Variants in ZAR1L observed in about 807,000 individuals in gnomAD.
ZAR1L encodes the protein zygote arrest 1 like.
ZAR1L carries 16 observed loss-of-function variants against 30.0 expected under a neutral mutation model. That is an observed-to-expected ratio of 0.53 (90% CI 0.36 to 0.81). ZAR1L has a LOEUF of 0.81. ZAR1L is among the 30% of genes least tolerant of loss of function. ZAR1L has a pLI of 0.00. For missense variants in ZAR1L, 392 were observed against 417.2 expected, an observed-to-expected ratio of 0.94 and a Z score of 0.53; for synonymous variants, 197 against 166.8, an observed-to-expected ratio of 1.18 and a Z score of -1.40.
At chr13:32,307,589 C>G (rs181537663) in intron 5 of ZAR1L, among the ~76,000 whole-genome samples, 1 of 134,434 alleles carries the variant, frequency 7.4e-6, no homozygotes, top group Admixed American at 7.8e-5. Context: ...TGGTAACCAT[C>G]AAAAGGACAT....
Position 32,312,018 on chromosome 13 carries a change from T to G in ZAR1L, c.-93A>C. ...CTCCTTCATCCGCCCCTTCTTTCTC[T>G]TCATCAGGTTGGTTCAGATTCATTC... is the stretch of plus-strand genomic sequence containing the variant. On this transcript the variant is annotated 5_prime_UTR_variant, in exon 3 of 6. Transcript: ENST00000533490. The G allele has an allele frequency of 5.9e-6, 8 of 1,366,420 alleles. No homozygotes were observed. The highest frequency in any genetic ancestry group is 7.8e-6 in the Non-Finnish European group (8 of 1,027,722). The allele number at this position is 1,366,420 out of a possible 1,614,324, so 84.6% of individuals were successfully genotyped here.
At chr13:32,307,947 C>T (rs1408446423) in intron 5 of ZAR1L, among the ~76,000 whole-genome samples, 1 of 152,096 alleles carries the variant, frequency 6.6e-6, no homozygotes, top group East Asian at 1.9e-4. Context: ...GGACTACAGG[C>T]ACCTGCCACC....
chr13:32,307,334 A>G (rs1260902862), intron 5 of ZAR1L, among the ~76,000 whole-genome samples: 2 of 151,828 alleles, frequency 1.3e-5, no homozygotes, highest in Non-Finnish European at 2.9e-5. Context: ...CCCTGTCTGT[A>G]CTAAAAATAC....
intron 1 of ZAR1L, among the ~76,000 whole-genome samples, chr13:32,315,101 C>T (rs768038550): frequency 2.0e-5 from 3 of 152,140 alleles, no homozygotes; most frequent in Admixed American, 2.0e-4. Context: ...TTTGTAAGAT[C>T]GGCTCGCTTT....
In ZAR1L at chr13:32,311,603, C is replaced by T. The variant is rs1031096246; in HGVS notation, c.323G>A (p.Gly108Glu). 40 of 1,548,414 alleles carry T rather than the reference C, an allele frequency of 2.6e-5. No homozygotes were observed. Among genetic ancestry groups the T allele is most frequent in the Non-Finnish European group, 3.2e-5 (37 of 1,145,588 alleles). The change falls in exon 3 of 6, where the codon GGG becomes GAG. Residue 108 changes from glycine (G) to glutamate (E), a missense_variant. Transcript: ENST00000533490. Reference sequence around the variant, plus strand: ...GGAGCAGCTGCTGAGGGTGCGAGGCCCCAGAGAGCACTGCACAGCCTTGTC... The same window carrying T: ...GGAGCAGCTGCTGAGGGTGCGAGGCTCCAGAGAGCACTGCACAGCCTTGTC... Reference protein sequence around the residue: ...RVDKAVQCSLGPRTLSSCSPW... With the variant: ...RVDKAVQCSLEPRTLSSCSPW...
intron 2 of ZAR1L, among the ~76,000 whole-genome samples, chr13:32,314,016 A>T (rs147712442): frequency 1.0e-3 from 155 of 152,348 alleles, no homozygotes; most frequent in African/African-American, 3.6e-3. Flanking sequence ...CTAGAATTCA[A>T]ACCTGGGCCT....
intron 2 of ZAR1L, among the ~76,000 whole-genome samples, 170 bp from the exon 3 acceptor site, chr13:32,312,263 G>A (rs915775784): frequency 3.9e-5 from 6 of 151,966 alleles, no homozygotes; most frequent in African/African-American, 1.5e-4. Context: ...ATATATTCCT[G>A]TAGTGACCAT....
At chr13:32,313,878 T>C (rs764866263) in intron 2 of ZAR1L, among the ~76,000 whole-genome samples, 1 of 152,158 alleles carries the variant, frequency 6.6e-6, no homozygotes, top group Non-Finnish European at 1.5e-5. Flanking sequence ...TTGTGTGACA[T>C]GCCACGGGTT....
At chr13:32,311,119 G>A (rs2072208798) in intron 3 of ZAR1L, among the ~76,000 whole-genome samples, 153 bp downstream of exon 3, 1 of 152,244 alleles carries the variant, frequency 6.6e-6, no homozygotes, top group East Asian at 1.9e-4. Context: ...AAACATACAG[G>A]CCACGTGATA....
intron 4 of ZAR1L, 78 bp from the exon 5 acceptor site, chr13:32,308,838 A>G: frequency 2.1e-6 from 2 of 954,678 alleles, no homozygotes; most frequent in Non-Finnish European, 3.2e-6. Flanking sequence ...GTTCTTAAGT[A>G]ATCCATTGCA....
chr13:32,311,655 C>T lies in ZAR1L; in HGVS notation c.271G>A (p.Val91Met), dbSNP rs1162521493. 3 of 1,551,402 alleles carry T rather than the reference C, an allele frequency of 1.9e-6. No individual in the cohort carries two copies. The South Asian group carries it at 3.6e-5, about 18-fold the overall frequency. Residue 91 changes from valine (V) to methionine (M), a missense_variant, in exon 3 of 6, where the codon GTG (valine) becomes ATG (methionine). By Grantham distance (21) the Val-to-Met change is conservative. Coordinates refer to ENST00000533490, the MANE Select transcript of ZAR1L (RefSeq NM_001136571.2). Reference sequence around the variant, plus strand: ...ACCCGCGGGCTCACCTGCACGCCCACCTCCTTGGTGTTGGGCTTGCACAGC... The same window carrying T: ...ACCCGCGGGCTCACCTGCACGCCCATCTCCTTGGTGTTGGGCTTGCACAGC... ...PRLCKPNTKEVGVQVSPRVDK... is the reference protein window; with the variant it reads ...PRLCKPNTKEMGVQVSPRVDK...
chr13:32,305,054 G>A lies in ZAR1L; in HGVS notation c.823-1032C>T, dbSNP rs191195792. Among the ~76,000 whole-genome samples the A allele has an allele frequency of 5.4e-4, 82 of 151,890 alleles. 1 individual carries two copies. Among genetic ancestry groups the A allele is most frequent in the African/African-American group, 1.9e-3 (77 of 41,430 alleles). On this transcript the variant is annotated intron_variant, in intron 5 of 5. Transcript: ENST00000533490. ...TTGAACTCCTGACCTGAGGTGATCCGTCCGCCTTGGCCTCCCAAAGCGCTG... is the reference window on the plus strand; with the variant it reads ...TTGAACTCCTGACCTGAGGTGATCCATCCGCCTTGGCCTCCCAAAGCGCTG...
chr13:32,311,540 G>T lies in ZAR1L; in HGVS notation c.386C>A (p.Ala129Asp). 1 of 1,534,232 alleles carries T rather than the reference G, an allele frequency of 6.5e-7. No homozygotes were observed. The highest frequency in any genetic ancestry group is 8.8e-7 in the Non-Finnish European group (1 of 1,139,596). The change falls in exon 3 of 6, where the codon GCC (alanine) becomes GAC (aspartate). Residue 129 changes from alanine to aspartate, a missense_variant. Ala to Asp is a moderately radical substitution (Grantham distance 126, BLOSUM62 -2). Transcript: ENST00000533490. ...DGRDPQEPLP[A>D]CGVTSPATGR... ...GGTGGCGGGCGAAGTGACCCCACAG[G>T]CTGGCAGGGGCTCCTGGGGGTCTCT...
Position 32,308,677 on chromosome 13 carries a change from T to C in ZAR1L, c.822+9A>G. 6.5e-7 allele frequency: 1 copy of C among 1,546,678 alleles called. No individual in the cohort carries two copies. Among genetic ancestry groups the C allele is most frequent in the Non-Finnish European group, 8.8e-7 (1 of 1,142,792 alleles). On this transcript the variant is annotated intron_variant, in intron 5 of 5. Coordinates refer to ENST00000533490, the MANE Select transcript of ZAR1L (RefSeq NM_001136571.2). ...ACATAGACACAATGGAAGTGTTCCA[T>C]ATGCTCACCTGACATTGGATTGCTT...
chr13:32,310,842 A>T (rs1362706956), intron 3 of ZAR1L, 111 bp from the exon 4 acceptor site: 5 of 722,044 alleles, frequency 6.9e-6, no homozygotes, highest in Non-Finnish European at 1.2e-5. Flanking sequence ...CCTCACTTGT[A>T]TCTATTCTCA....
At chr13:32,313,917 C>T (rs1421239753) in intron 2 of ZAR1L, among the ~76,000 whole-genome samples, 3 of 152,116 alleles carry the variant, frequency 2.0e-5, no homozygotes, top group East Asian at 1.9e-4. Context: ...GTGAGACACC[C>T]CTCCCCCACA....
intron 5 of ZAR1L, among the ~76,000 whole-genome samples, chr13:32,307,928 G>A (rs547695807): frequency 1.3e-5 from 2 of 151,960 alleles, no homozygotes; most frequent in South Asian, 2.1e-4. Context: ...TCAGCCTCCC[G>A]AGTAGCTGGG....
intron 2 of ZAR1L, among the ~76,000 whole-genome samples, chr13:32,312,965 T>G (rs932541282): frequency 2.0e-5 from 3 of 152,116 alleles, no homozygotes; most frequent in Non-Finnish European, 4.4e-5. Flanking sequence ...CTAAGTGAAA[T>G]AAGCCAGATA....
At chr13:32,310,794 T>C (rs530025495) in intron 3 of ZAR1L, 63 bp from the exon 4 acceptor site, 49 of 1,061,676 alleles carry the variant, frequency 4.6e-5, no homozygotes, top group Non-Finnish European at 6.5e-5. Flanking sequence ...GATCCTTCTT[T>C]ATGACTTTGT....
Sources: gnomAD v4.1 joint callset for allele counts (sites outside exome capture counted in the v4.1 genomes callset) on GRCh38, gnomAD v4.1.1 for gene constraint, MANE v1.5 for transcripts, NCBI Gene and HGNC (gene_info 2026-07-23, HGNC 2026-07-21) for gene names.